FARP1: variants seen among roughly 807,000 people sequenced by gnomAD.
FARP1 encodes the protein FERM, ARH/RhoGEF and pleckstrin domain protein 1.
In FARP1, 52 loss-of-function variants were observed where a neutral mutation model predicts 128.8. The ratio of observed to expected loss-of-function variants is 0.40; its 90% CI spans 0.32 to 0.51. The LOEUF is 0.51. FARP1 is among the 20% of genes least tolerant of loss of function. The pLI is 0.45. For synonymous variants in FARP1, 580 were observed against 551.8 expected (o/e 1.05, Z -0.72); for missense variants, 1,333 against 1,367.9 (o/e 0.97, Z 0.40).
In FARP1 at chr13:98,448,743, GTT is replaced by G. The variant is rs1893028251; in HGVS notation, c.*428_*429del. On this transcript the variant is annotated 3_prime_UTR_variant, in exon 27 of 27. Transcript: ENST00000319562. The stretch of plus-strand genomic sequence containing the variant: ...TTACGAAGTGGACTTCCCGGTGTTT[GTT>G]TGTTTGTTTGCAATACACTCAGTGC... 4 of 159,536 alleles carry G rather than the reference GTT, an allele frequency of 2.5e-5. 1 individual carries two copies. The highest frequency in any genetic ancestry group is 4.8e-5 in the African/African-American group (2 of 41,318). The allele number at this position is 159,536 out of a possible 1,614,324, so 9.9% of individuals were successfully genotyped here.
At chr13:98,301,098 A>G (rs887708714) in intron 2 of FARP1, among the ~76,000 whole-genome samples, 4 of 152,172 alleles carry the variant, frequency 2.6e-5, no homozygotes, top group Non-Finnish European at 5.9e-5. Context: ...AGGCCAAGGC[A>G]CTGCTGATCA....
intron 26 of FARP1, 30 bp from the exon 27 acceptor site, chr13:98,448,206 G>C (rs1489671476): frequency 6.3e-7 from 1 of 1,598,330 alleles, no homozygotes; most frequent in Non-Finnish European, 8.6e-7. Context: ...CCAAACAAAA[G>C]GTTGACTAAC....
intron 2 of FARP1, among the ~76,000 whole-genome samples, chr13:98,324,685 C>T (rs1043239450): frequency 3.3e-5 from 5 of 152,180 alleles, no homozygotes; most frequent in Non-Finnish European, 4.4e-5. Flanking sequence ...TGTTTCTGAG[C>T]GTCCTTGGCA....
intron 16 of FARP1, among the ~76,000 whole-genome samples, chr13:98,419,932 T>C (rs1467213590): frequency 6.6e-6 from 1 of 152,046 alleles, no homozygotes; most frequent in Non-Finnish European, 1.5e-5. Flanking sequence ...TGGGTTTACA[T>C]TGGGCCCATG....
intron 12 of FARP1, 142 bp from the exon 13 acceptor site, chr13:98,395,085 C>T: frequency 1.1e-6 from 1 of 945,988 alleles, no homozygotes. Flanking sequence ...GTGATTGCTG[C>T]TAGGCCAGAG....
At chr13:98,225,008 C>G (rs1026698129) in intron 2 of FARP1, among the ~76,000 whole-genome samples, 7 of 152,300 alleles carry the variant, frequency 4.6e-5, no homozygotes, top group African/African-American at 1.4e-4. Context: ...ACACTTCAGT[C>G]CTGGGATTCA....
intron 18 of FARP1, 117 bp from the exon 19 acceptor site, chr13:98,435,459 C>A: frequency 9.9e-7 from 1 of 1,011,850 alleles, no homozygotes; most frequent in Non-Finnish European, 1.4e-6. Flanking sequence ...CAAAAGACAC[C>A]TTTGAATACT....
rs764309296 is a variant in FARP1 at position 98,448,296 on chromosome 13, CAA to C, written c.3119_3120del (p.Lys1040ArgfsTer57). 4 of 1,613,810 alleles carry C rather than the reference CAA, an allele frequency of 2.5e-6. No homozygotes were observed. Among genetic ancestry groups the C allele is most frequent in the Admixed American group, 1.7e-5 (1 of 60,036 alleles). Reference sequence around the variant, plus strand: ...CCTCGCGACCCCACGTGTTGAGTCACAAAGAGTCTCTTGTGTATTGATGGCCG... The same window carrying C: ...CCTCGCGACCCCACGTGTTGAGTCACAGAGTCTCTTGTGTATTGATGGCCG... ...SASRPHVLSHKESLVY is the reference protein window; with the variant it reads ...SASRPHVLSHXESLVY On this transcript the variant is annotated frameshift_variant, in exon 27 of 27. Coordinates refer to ENST00000319562, the MANE Select transcript of FARP1 (RefSeq NM_005766.4). LOFTEE classifies it high-confidence loss of function.
chr13:98,402,219 G>A (rs1890806558), intron 13 of FARP1: 1 of 152,322 alleles, frequency 6.6e-6, no homozygotes, highest in Admixed American at 6.5e-5. Flanking sequence ...GAATGTTGAG[G>A]AGTGAGGAGT....
At chr13:98,226,408 T>A (rs7981336) in intron 2 of FARP1, among the ~76,000 whole-genome samples, 24,303 of 152,142 alleles carry the variant, frequency 0.16, 2,032 homozygotes, top group East Asian at 0.25. Flanking sequence ...CATTGCAACT[T>A]GATCATTTTC....
intron 2 of FARP1, among the ~76,000 whole-genome samples, chr13:98,318,974 GT>G (rs1886871945): frequency 1.3e-5 from 1 of 74,214 alleles, no homozygotes; most frequent in Non-Finnish European, 2.8e-5. Flanking sequence ...TTTTTTGTTT[GT>G]TTGTTTTGAC....
intron 1 of FARP1, among the ~76,000 whole-genome samples, chr13:98,164,980 C>T (rs762417860): frequency 5.3e-5 from 8 of 151,878 alleles, no homozygotes; most frequent in Non-Finnish European, 8.8e-5. Context: ...TTTGGGAAGC[C>T]GAGGTGGGTG....
chr13:98,414,519 A>G (rs2389315), intron 16 of FARP1, among the ~76,000 whole-genome samples: 25,632 of 151,940 alleles, frequency 0.17, 2,307 homozygotes, highest in Middle Eastern at 0.26. Context: ...ACAGAGAGAA[A>G]CCAGTGTCTC....
intron 5 of FARP1, 152 bp from the exon 6 acceptor site, chr13:98,377,669 A>C (rs1889650373): frequency 1.6e-6 from 1 of 611,798 alleles, no homozygotes; most frequent in Non-Finnish European, 2.9e-6. Flanking sequence ...AGATATTTAC[A>C]CTGCAGTGAA....
intron 11 of FARP1, 113 bp from the exon 12 acceptor site, chr13:98,393,527 CATT>C (rs1890392352): frequency 2.7e-6 from 2 of 748,738 alleles, no homozygotes; most frequent in Non-Finnish European, 4.7e-6. Context: ...TGGGTACCAT[CATT>C]ATTGAGGAAG....
intron 24 of FARP1, among the ~76,000 whole-genome samples, chr13:98,443,398 G>C (rs1053742331): frequency 6.6e-6 from 1 of 152,212 alleles, no homozygotes; most frequent in Non-Finnish European, 1.5e-5. Context: ...CATCAATCTT[G>C]TGTCGGTGGC....
chr13:98,187,601 G>C (rs897786414), intron 1 of FARP1, among the ~76,000 whole-genome samples: 6 of 152,196 alleles, frequency 3.9e-5, no homozygotes, highest in Non-Finnish European at 7.3e-5. Context: ...TTGAATGTCA[G>C]GCGAAATAAC....
intron 2 of FARP1, among the ~76,000 whole-genome samples, chr13:98,252,505 C>G (rs1883385843): frequency 2.6e-5 from 4 of 152,214 alleles, no homozygotes; most frequent in Admixed American, 2.6e-4. Flanking sequence ...ACCTCAAAGA[C>G]AAGCCAACAA....
intron 16 of FARP1, among the ~76,000 whole-genome samples, chr13:98,420,323 G>T (rs187564692): frequency 1.3e-5 from 2 of 152,124 alleles, no homozygotes; most frequent in African/African-American, 4.8e-5. Flanking sequence ...CTCCTCTTAG[G>T]GGGGTGATGG....
Sources: allele counts gnomAD v4.1 joint callset (sites outside exome capture counted in the v4.1 genomes callset), GRCh38; gene constraint gnomAD v4.1.1; transcripts MANE v1.5; gene names NCBI Gene and HGNC (gene_info 2026-07-23, HGNC 2026-07-21).